C6orf120: variants seen among roughly 807,000 people sequenced by gnomAD.
The protein encoded by C6orf120 is chromosome 6 open reading frame 120, also known as UPF0669 protein C6orf120.
For missense variants in C6orf120, 311 were observed against 264.2 expected, an observed-to-expected ratio of 1.18 and a Z score of -1.23; for synonymous variants, 165 against 123.1, an observed-to-expected ratio of 1.34 and a Z score of -2.25.
downstream of C6orf120, chr6:169,705,112 T>G: frequency 6.4e-7 from 1 of 1,565,286 alleles, no homozygotes; most frequent in Non-Finnish European, 8.7e-7. Flanking sequence ...AGATAATGTT[T>G]GCTCTTTTTT....
chr6:169,703,069 CATCT>C (rs768026264), exon 1 of C6orf120: 4 of 1,528,740 alleles, frequency 2.6e-6, no homozygotes, highest in African/African-American at 2.8e-5. Context: ...TAAAACCCTC[CATCT>C]GTGAAGCTGA....
exon 1 of C6orf120, chr6:169,703,103 T>C: frequency 6.9e-7 from 1 of 1,447,966 alleles, no homozygotes; most frequent in Non-Finnish European, 9.3e-7. Flanking sequence ...GCTGTGAACC[T>C]TGCTACTTGT....
At chr6:169,703,900 C>A (rs17860603) in exon 1 of C6orf120, 16,321 of 877,922 alleles carry the variant, frequency 0.019, 228 homozygotes, top group South Asian at 0.039. Flanking sequence ...ATTTTAAGCT[C>A]ATAATTTGCA....
downstream of C6orf120, chr6:169,705,214 G>A (rs979926647): frequency 2.5e-6 from 4 of 1,613,500 alleles, no homozygotes; most frequent in East Asian, 8.9e-5. Context: ...TCTTCTTCAT[G>A]GTGGGGTTGT....
upstream of C6orf120, chr6:169,702,142 A>G (rs771599533): frequency 2.7e-5 from 16 of 596,528 alleles, no homozygotes; most frequent in South Asian, 2.4e-4. Flanking sequence ...GCCTCCGGCG[A>G]GGCTCCGGCC....
At chr6:169,705,024 A>T (rs563688315), downstream of C6orf120, 1 of 734,228 alleles carries the variant, frequency 1.4e-6, no homozygotes, top group Admixed American at 2.9e-5. Context: ...ATATTTGCAC[A>T]TAAGAGTCCA....
exon 1 of C6orf120, chr6:169,704,339 T>C (rs1161542749): frequency 4.7e-6 from 2 of 421,706 alleles, no homozygotes; most frequent in Non-Finnish European, 8.6e-6. Flanking sequence ...ATACGGACCT[T>C]TAAGAAAGTA....
exon 1 of C6orf120, chr6:169,702,879 GCAGCAC>G (rs1280474240): frequency 6.2e-7 from 1 of 1,611,998 alleles, no homozygotes; most frequent in Non-Finnish European, 8.5e-7. Context: ...GCACGGTCGA[GCAGCAC>G]CCGTTCGGCG....
exon 1 of C6orf120, chr6:169,702,474 C>A (rs746103074): frequency 2.8e-4 from 430 of 1,559,958 alleles, no homozygotes; most frequent in Non-Finnish European, 3.4e-4. Flanking sequence ...CCGCTCCCCG[C>A]GGGAGGGCCG....
chr6:169,703,358 T>G, exon 1 of C6orf120: 1 of 323,516 alleles, frequency 3.1e-6, no homozygotes, highest in Non-Finnish European at 6.1e-6. Flanking sequence ...GTGACACAAA[T>G]CAAAAGGTTG....
At chr6:169,703,078 A>G in exon 1 of C6orf120, 1 of 1,518,650 alleles carries the variant, frequency 6.6e-7, no homozygotes, top group Non-Finnish European at 8.9e-7. Flanking sequence ...CCATCTGTGA[A>G]GCTGATTGCA....
At chr6:169,704,023 T>TC in exon 1 of C6orf120, 2 of 1,601,632 alleles carry the variant, frequency 1.2e-6, no homozygotes, top group Non-Finnish European at 8.5e-7. Context: ...TTGCTGTTTT[T>TC]CCCCCTTCTG....
downstream of C6orf120, chr6:169,705,279 A>G: frequency 6.2e-7 from 1 of 1,613,312 alleles, no homozygotes; most frequent in Non-Finnish European, 8.5e-7. Flanking sequence ...GGTCTTAATC[A>G]TAGAAACAAG....
At chr6:169,704,358 C>G (rs1451550620) in exon 1 of C6orf120, 3 of 396,694 alleles carry the variant, frequency 7.6e-6, no homozygotes, top group African/African-American at 6.3e-5. Context: ...TACAATCTTT[C>G]CTGAAATTCA....
chr6:169,702,146 T>G (rs1464896896), upstream of C6orf120: 6 of 604,916 alleles, frequency 9.9e-6, no homozygotes, highest in African/African-American at 1.8e-5. Flanking sequence ...CCGGCGAGGC[T>G]CCGGCCTCGG....
chr6:169,704,101 T>A, exon 1 of C6orf120: 1 of 1,570,254 alleles, frequency 6.4e-7, no homozygotes, highest in South Asian at 1.2e-5. Context: ...AGGAAAAAAA[T>A]TGTTAATATA....
In C6orf120 at chr6:169,702,554, AG is replaced by A. The variant is rs771019491; in HGVS notation, c.97del (p.Glu33ArgfsTer17). On this transcript the variant is annotated frameshift_variant, in exon 1 of 1. Transcript: ENST00000332290. LOFTEE classifies it low-confidence loss of function (END_TRUNC). ...CTGTCTCCGGGAAGCTGCGCGGACGAGGAGGAGGTCCCCGAGGAGTGGGTGC... is the reference window on the plus strand; with the variant it reads ...CTGTCTCCGGGAAGCTGCGCGGACGAGAGGAGGTCCCCGAGGAGTGGGTGC... The A allele has an allele frequency of 6.2e-7, 1 of 1,612,684 alleles. No individual in the cohort carries two copies. Among genetic ancestry groups the A allele is most frequent in the South Asian group, 1.1e-5 (1 of 91,050 alleles).
exon 1 of C6orf120, chr6:169,703,986 TAG>T (rs1353199520): frequency 6.3e-7 from 1 of 1,575,356 alleles, no homozygotes; most frequent in African/African-American, 1.4e-5. Flanking sequence ...TATACAGTAT[TAG>T]AGTCAAAAAC....
At chr6:169,703,708 G>A in exon 1 of C6orf120, 1 of 391,844 alleles carries the variant, frequency 2.6e-6, no homozygotes, top group South Asian at 4.7e-5. Context: ...ATGTAGATTA[G>A]GAAGTTTCAT....
Sources: allele counts gnomAD v4.1 joint callset, GRCh38; gene constraint gnomAD v4.1.1; transcripts MANE v1.5; gene names NCBI Gene and HGNC (gene_info 2026-07-23, HGNC 2026-07-21).